The following PRR5 variants were observed in gnomAD, a reference collection of about 807,000 sequenced individuals.
The protein encoded by PRR5 is proline rich 5.
Under a neutral mutation model 30.6 loss-of-function variants are expected in PRR5, and 25 were observed. The observed-to-expected ratio is 0.82, with a 90% CI of 0.60 to 1.14. The LOEUF is 1.14. PRR5 is among the 50% of genes most tolerant of loss of function. PRR5 has a pLI of 0.00. For synonymous variants in PRR5, 286 were observed against 247.1 expected (o/e 1.16, Z -1.48); for missense variants, 600 against 547.1 (o/e 1.10, Z -0.96).
chr22:44,718,880 A>G (rs1354169912), intron 2 of PRR5, among the ~76,000 whole-genome samples: 1 of 152,060 alleles, frequency 6.6e-6, no homozygotes, highest in East Asian at 1.9e-4. Flanking sequence ...AGAGTTCTTT[A>G]TATATTGTGG....
chr22:44,698,613 C>A (rs1925978615), upstream of PRR5, among the ~76,000 whole-genome samples: 1 of 152,202 alleles, frequency 6.6e-6, no homozygotes, highest in Non-Finnish European at 1.5e-5. Flanking sequence ...GCCCGGTGGG[C>A]ACCTGGAGGC....
rs139168828 is a variant in PRR5, at chr22:44,725,280, G to A, written c.252G>A (p.Thr84=). 100 of 1,613,626 alleles carry A rather than the reference G, an allele frequency of 6.2e-5. No individual in the cohort carries two copies. The highest frequency in any genetic ancestry group is 5.1e-4 in the East Asian group (23 of 44,878). The change falls in exon 3 of 8, where the codon ACG becomes ACA. Residue 84 remains threonine (T), a synonymous_variant. Coordinates refer to ENST00000336985, the MANE Select transcript of PRR5 (RefSeq NM_181333.4). ...LLKTELGSFF[T]EYLQNQLLTK... Reference sequence around the variant, plus strand: ...AGACAGAGCTGGGGTCCTTCTTCACGGAGTACCTGCAGGTAGGTGGGTCTT... The same window carrying A: ...AGACAGAGCTGGGGTCCTTCTTCACAGAGTACCTGCAGGTAGGTGGGTCTT...
chr22:44,734,612 A>T, intron 6 of PRR5: 1 of 178,290 alleles, frequency 5.6e-6, no homozygotes, highest in Non-Finnish European at 1.2e-5. Flanking sequence ...TGTGGACTGC[A>T]CCTGGCCCCA....
At chr22:44,670,943 G>T (rs1355012985) in intron 1 of PRR5, among the ~76,000 whole-genome samples, 1 of 152,188 alleles carries the variant, frequency 6.6e-6, no homozygotes, top group Non-Finnish European at 1.5e-5. Context: ...GAGAAGAACA[G>T]AGCTCTCGTG....
rs147681082 is a variant in PRR5, at chr22:44,728,653, G to A, written c.322+2019G>A. Among the ~76,000 whole-genome samples, 1,047 of 152,332 alleles carry A rather than the reference G, an allele frequency of 6.9e-3. 5 individuals carry two copies. Among genetic ancestry groups the A allele is most frequent in the Non-Finnish European group, 9.3e-3 (630 of 68,022 alleles). On this transcript the variant is annotated intron_variant, in intron 4 of 7. Coordinates refer to ENST00000336985, the MANE Select transcript of PRR5 (RefSeq NM_181333.4). ...TTTGGCCCCATGCAGTGGGGACATA[G>A]CCACCTCCACATCCTGATGGGCGGC...
intron 1 of PRR5, among the ~76,000 whole-genome samples, chr22:44,703,019 G>A (rs1926595906): frequency 6.6e-6 from 1 of 152,196 alleles, no homozygotes; most frequent in Non-Finnish European, 1.5e-5. Flanking sequence ...GGCTCAGTGG[G>A]TGGGTCGCGC....
intron 2 of PRR5, among the ~76,000 whole-genome samples, chr22:44,720,872 G>A (rs912638304): frequency 5.3e-5 from 8 of 152,214 alleles, no homozygotes; most frequent in Non-Finnish European, 7.3e-5. Flanking sequence ...GAGGCCAGGG[G>A]AGCCGGAGAG....
At chr22:44,707,094 T>A (rs1293730575) in intron 1 of PRR5, among the ~76,000 whole-genome samples, 1 of 152,140 alleles carries the variant, frequency 6.6e-6, no homozygotes, top group African/African-American at 2.4e-5. Flanking sequence ...CCCATCCTTA[T>A]CCCCTTCCTT....
chr22:44,705,222 T>C (rs1349287603), intron 1 of PRR5, among the ~76,000 whole-genome samples: 2 of 152,198 alleles, frequency 1.3e-5, no homozygotes, highest in African/African-American at 4.8e-5. Flanking sequence ...AGGAGCTTCT[T>C]GAAGCTTCTG....
chr22:44,683,765 C>A (rs933497499), intron 1 of PRR5, among the ~76,000 whole-genome samples: 37 of 152,218 alleles, frequency 2.4e-4, no homozygotes, highest in African/African-American at 8.4e-4. Context: ...CTCCCCATGG[C>A]TCATTAGCTA....
chr22:44,710,848 A>G (rs1928101151), intron 1 of PRR5, among the ~76,000 whole-genome samples: 1 of 152,084 alleles, frequency 6.6e-6, no homozygotes. Context: ...GGTAGATACA[A>G]GCCTCTCCCT....
rs1923492949 is a variant in PRR5 at position 44,737,451 on chromosome 22, A to T, written c.*204A>T. 1 of 1,143,196 alleles carries T rather than the reference A, an allele frequency of 8.7e-7. No individual in the cohort carries two copies. Among genetic ancestry groups the T allele is most frequent in the African/African-American group, 1.5e-5 (1 of 64,534 alleles). The allele number at this position is 1,143,196 out of a possible 1,614,324, so 70.8% of individuals were successfully genotyped here. On this transcript the variant is annotated 3_prime_UTR_variant, in exon 8 of 8. Coordinates refer to ENST00000336985, the MANE Select transcript of PRR5 (RefSeq NM_181333.4). ...TGCTCGGCCCAGGTCTGTTTCAGGC[A>T]TCTGAGTCGGCGTTTACCCAGGGGC...
intron 1 of PRR5, 110 bp downstream of exon 1, chr22:44,702,718 GCGC>G: frequency 4.1e-6 from 5 of 1,219,564 alleles, no homozygotes; most frequent in Non-Finnish European, 5.1e-6. Flanking sequence ...GCCGAAGGCG[GCGC>G]GGCGCTTCAC....
intron 1 of PRR5, among the ~76,000 whole-genome samples, chr22:44,680,477 A>T (rs58089351): frequency 0.08 from 12,186 of 152,202 alleles, 571 homozygotes; most frequent in African/African-American, 0.13. Flanking sequence ...CTGGTGGGGC[A>T]GCAAGGGGTC....
chr22:44,726,913 C>T (rs1920973399), intron 4 of PRR5, among the ~76,000 whole-genome samples: 1 of 152,194 alleles, frequency 6.6e-6, no homozygotes, highest in Non-Finnish European at 1.5e-5. Context: ...ACGGGACTTT[C>T]TGGCCCTAGT....
chr22:44,674,360 G>A (rs181238378), upstream of PRR5, among the ~76,000 whole-genome samples: 1 of 151,918 alleles, frequency 6.6e-6, no homozygotes, highest in African/African-American at 2.4e-5. Flanking sequence ...TTGCAGCCAG[G>A]CACGGTGGCT....
chr22:44,716,847 G>A (rs191970804), intron 2 of PRR5, among the ~76,000 whole-genome samples: 30 of 152,188 alleles, frequency 2.0e-4, no homozygotes, highest in East Asian at 5.8e-4. Flanking sequence ...GATTGCTTGC[G>A]TTCAGGAGTT....
intron 6 of PRR5, among the ~76,000 whole-genome samples, chr22:44,733,018 CAT>C (rs1922503296): frequency 2.6e-5 from 1 of 37,874 alleles, no homozygotes; most frequent in Non-Finnish European, 1.5e-4. Context: ...CACACGTGCA[CAT>C]GCACATACAC....
chr22:44,685,613 C>A lies in PRR5; in HGVS notation c.-11+8373C>A, dbSNP rs1924677148. 2.0e-5 allele frequency among the ~76,000 whole-genome samples: 3 copies of A among 152,136 alleles called. No individual in the cohort carries two copies. The South Asian group carries it at 6.2e-4, about 32-fold the overall frequency. ...GCCACACCCTCTCCCCAGTGAAAGCCACACCCCTCTCCCCAGTGAAAGCCA... is the reference window on the plus strand; with the variant it reads ...GCCACACCCTCTCCCCAGTGAAAGCAACACCCCTCTCCCCAGTGAAAGCCA... On this transcript the variant is annotated intron_variant, in intron 1 of 8. Coordinates refer to the PRR5 transcript ENST00000006251.
Sources: allele counts gnomAD v4.1 joint callset (sites outside exome capture counted in the v4.1 genomes callset), GRCh38; gene constraint gnomAD v4.1.1; transcripts MANE v1.5; gene names NCBI Gene and HGNC (gene_info 2026-07-23, HGNC 2026-07-21).